Variants in MYT1L observed in about 807,000 individuals in gnomAD.
MYT1L encodes the protein myelin transcription factor 1-like protein.
In MYT1L, 12 loss-of-function variants were observed where a neutral mutation model predicts 126.7. That is an observed-to-expected ratio of 0.09 (90% confidence interval 0.06 to 0.15). The LOEUF (loss-of-function observed/expected upper bound fraction) is 0.15. MYT1L is among the 10% of genes least tolerant of loss of function. The probability of loss-of-function intolerance (pLI) is 1.00; values close to 1 mark genes in which losing one functional copy is unlikely to be tolerated. For missense variants in MYT1L, 979 were observed against 1,585.2 expected (o/e 0.62, Z 6.49); for synonymous variants, 541 against 604.2 (o/e 0.90, Z 1.53).
chr2:1,963,812 T>C (rs887198533), intron 8 of MYT1L, among the ~76,000 whole-genome samples: 2 of 152,256 alleles, frequency 1.3e-5, no homozygotes, highest in African/African-American at 4.8e-5. Flanking sequence ...CCTCTGGCTT[T>C]AGAGAATGCT....
At chr2:1,926,513 A>G (rs973920490) in intron 9 of MYT1L, among the ~76,000 whole-genome samples, 1 of 152,342 alleles carries the variant, frequency 6.6e-6, no homozygotes, top group Non-Finnish European at 1.5e-5. Flanking sequence ...ACAATCCACA[A>G]AATGAACATT....
At chr2:2,272,940 G>A (rs185392404) in intron 2 of MYT1L, among the ~76,000 whole-genome samples, 1 of 152,190 alleles carries the variant, frequency 6.6e-6, no homozygotes, top group Non-Finnish European at 1.5e-5. Context: ...TCTTGCCTGT[G>A]CCCCTGCAGC....
chr2:2,007,044 G>GAT (rs113385392), intron 4 of MYT1L, among the ~76,000 whole-genome samples: 3,266 of 146,632 alleles, frequency 0.022, 90 homozygotes, highest in East Asian at 0.074. Flanking sequence ...TTTCATTGAA[G>GAT]ATATATATAT....
chr2:2,062,552 G>A (rs2070669783), intron 3 of MYT1L, among the ~76,000 whole-genome samples: 1 of 152,098 alleles, frequency 6.6e-6, no homozygotes, highest in Non-Finnish European at 1.5e-5. Context: ...TGATTTACTT[G>A]TTGTTGGTTT....
intron 3 of MYT1L, among the ~76,000 whole-genome samples, chr2:2,105,919 G>A (rs1463905488): frequency 6.6e-6 from 1 of 152,206 alleles, no homozygotes; most frequent in East Asian, 1.9e-4. Context: ...CTAAATATGT[G>A]TGATGCATTT....
chr2:1,932,170 G>A lies in MYT1L; in HGVS notation c.506-8907C>T, dbSNP rs572879295. 3.3e-4 allele frequency among the ~76,000 whole-genome samples: 50 copies of A among 152,266 alleles called. No homozygotes were observed. The South Asian group carries it at 1.0e-2, about 30-fold the overall frequency. On this transcript the variant is annotated intron_variant, in intron 9 of 24. Coordinates refer to ENST00000647738, the MANE Select transcript of MYT1L (RefSeq NM_001303052.2). Reference sequence around the variant, plus strand: ...ACAGCTGATTAAGCTGCAACAACATGTCTCTCAGAAGAATGATCTTACACA... The same window carrying A: ...ACAGCTGATTAAGCTGCAACAACATATCTCTCAGAAGAATGATCTTACACA...
intron 3 of MYT1L, among the ~76,000 whole-genome samples, chr2:2,057,054 CA>C (rs1317756907): frequency 1.3e-5 from 2 of 152,188 alleles, no homozygotes; most frequent in African/African-American, 4.8e-5. Flanking sequence ...AGAACCATAG[CA>C]CATACAGGCA....
At chr2:1,904,236 C>T (rs1286862888) in intron 13 of MYT1L, among the ~76,000 whole-genome samples, 1 of 152,186 alleles carries the variant, frequency 6.6e-6, no homozygotes, top group African/African-American at 2.4e-5. Flanking sequence ...TGCAGGGTCC[C>T]ACAGTGCACT....
At chr2:2,093,302 C>T (rs555270654) in intron 3 of MYT1L, among the ~76,000 whole-genome samples, 151 of 80,622 alleles carry the variant, frequency 1.9e-3, no homozygotes, top group Middle Eastern at 9.1e-3. Context: ...AAACTGACAG[C>T]GGAGCAGGGG....
intron 2 of MYT1L, among the ~76,000 whole-genome samples, chr2:2,213,490 C>T (rs1051392170): frequency 2.0e-5 from 3 of 152,106 alleles, no homozygotes; most frequent in Non-Finnish European, 4.4e-5. Context: ...TGAGGCCAGC[C>T]GAAAAACCAC....
intron 3 of MYT1L, among the ~76,000 whole-genome samples, chr2:2,079,255 T>A (rs994847503): frequency 2.6e-5 from 4 of 152,120 alleles, no homozygotes; most frequent in Non-Finnish European, 5.9e-5. Context: ...AAAATTGACA[T>A]AATGAATAAA....
intron 2 of MYT1L, among the ~76,000 whole-genome samples, chr2:2,247,739 A>G (rs557866936): frequency 6.6e-6 from 1 of 152,210 alleles, no homozygotes; most frequent in African/African-American, 2.4e-5. Flanking sequence ...TAGAATTTCC[A>G]TGAATTTTAC....
intron 1 of MYT1L, chr2:2,326,862 G>A (rs1237360284): frequency 6.6e-6 from 1 of 152,012 alleles, no homozygotes; most frequent in African/African-American, 2.4e-5. Flanking sequence ...GAACAATGCA[G>A]GTGTGAAAGA....
chr2:2,148,771 T>C (rs1342549836), intron 3 of MYT1L, among the ~76,000 whole-genome samples: 2 of 152,222 alleles, frequency 1.3e-5, no homozygotes, highest in Non-Finnish European at 1.5e-5. Context: ...TATGGGATTC[T>C]TAACACTTTT....
At chr2:1,812,117 C>T (rs74937682) in intron 21 of MYT1L, among the ~76,000 whole-genome samples, 6,362 of 152,230 alleles carry the variant, frequency 0.042, 154 homozygotes, top group East Asian at 0.066. Context: ...CGCTTTGGCC[C>T]CCGCATCCAG....
chr2:1,907,441 C>A (rs1026441057), intron 13 of MYT1L, among the ~76,000 whole-genome samples: 2 of 152,176 alleles, frequency 1.3e-5, no homozygotes, highest in African/African-American at 4.8e-5. Context: ...AGCCTGGGAC[C>A]AGATCAGCCC....
chr2:2,185,696 T>G (rs2092061140), intron 2 of MYT1L, among the ~76,000 whole-genome samples: 2 of 126,978 alleles, frequency 1.6e-5, no homozygotes, highest in South Asian at 5.2e-4. Flanking sequence ...AGCCGGGCCT[T>G]CCGGGCCTTC....
At chr2:1,934,526 G>A (rs1327180748) in intron 9 of MYT1L, among the ~76,000 whole-genome samples, 1 of 151,488 alleles carries the variant, frequency 6.6e-6, no homozygotes, top group East Asian at 1.9e-4. Flanking sequence ...GACATTTTAG[G>A]TATCTGGCTT....
intron 3 of MYT1L, among the ~76,000 whole-genome samples, chr2:2,126,398 A>T (rs2081696550): frequency 6.6e-6 from 1 of 152,216 alleles, no homozygotes. Context: ...TGAAGTAAGC[A>T]TTGGAAATCC....
Sources: allele counts gnomAD v4.1 joint callset (sites outside exome capture counted in the v4.1 genomes callset), GRCh38; gene constraint gnomAD v4.1.1; transcripts MANE v1.5; gene names NCBI Gene and HGNC (gene_info 2026-07-23, HGNC 2026-07-21).